Variants in ACSM3 observed in about 807,000 individuals in gnomAD.
ACSM3 encodes the protein acyl-coenzyme A synthetase ACSM3, mitochondrial.
ACSM3 carries 61 observed loss-of-function variants against 74.1 expected under a neutral mutation model. The observed-to-expected ratio is 0.82, with a 90% CI of 0.67 to 1.02. The LOEUF is 1.02. Ranked by LOEUF, ACSM3 falls within the 50% of genes least tolerant of loss-of-function variation. The probability of loss-of-function intolerance (pLI) is 0.00; values close to 1 mark genes in which losing one functional copy is unlikely to be tolerated. For missense variants in ACSM3, 660 were observed against 697.0 expected (o/e 0.95, Z 0.60); for synonymous variants, 213 against 241.5 (o/e 0.88, Z 1.09).
In ACSM3 at chr16:20,694,727, T is replaced by G. The variant is rs550067559; in HGVS notation, c.-190+19905T>G. On this transcript the variant is annotated intron_variant, in intron 1 of 3. Coordinates refer to the ACSM3 transcript ENST00000561584. ...GTTTGAACTGTGTCCCCCATGAATG[T>G]ATGTGGTGAAGTACGAACCCCAATA... is the stretch of plus-strand genomic sequence containing the variant. 1.3e-4 allele frequency among the ~76,000 whole-genome samples: 20 copies of G among 152,316 alleles called. No homozygotes were observed. In the East Asian group the frequency reaches 3.1e-3, roughly 23 times the overall value.
chr16:20,737,824 G>A, intron 1 of ACSM3: 5 of 1,613,820 alleles, frequency 3.1e-6, no homozygotes, highest in Non-Finnish European at 3.4e-6. Flanking sequence ...AAATGTTTCT[G>A]CATATTTTTT....
At chr16:20,708,153 T>G (rs1468955673) in intron 1 of ACSM3, among the ~76,000 whole-genome samples, 7 of 152,102 alleles carry the variant, frequency 4.6e-5, no homozygotes, top group Non-Finnish European at 1.0e-4. Flanking sequence ...ATACAAAAAT[T>G]AGCCAGGTGT....
intron 3 of ACSM3, among the ~76,000 whole-genome samples, chr16:20,776,256 C>T (rs2080254696): frequency 6.6e-6 from 1 of 152,158 alleles, no homozygotes. Context: ...GTTACAGCCT[C>T]ACAAAAATTG....
intron 1 of ACSM3, among the ~76,000 whole-genome samples, chr16:20,693,231 G>C (rs1482348095): frequency 6.6e-6 from 1 of 151,858 alleles, no homozygotes; most frequent in Non-Finnish European, 1.5e-5. Context: ...ACTTTCCAAT[G>C]GACTGGGATG....
intron 1 of ACSM3, among the ~76,000 whole-genome samples, chr16:20,748,425 GT>G (rs1378944831): frequency 6.6e-6 from 1 of 152,178 alleles, no homozygotes; most frequent in Non-Finnish European, 1.5e-5. Context: ...CACATTGCTA[GT>G]TCTGTGACCT....
At chr16:20,692,704 CA>C in intron 1 of ACSM3, among the ~76,000 whole-genome samples, 1 of 152,218 alleles carries the variant, frequency 6.6e-6, no homozygotes, top group Admixed American at 6.5e-5. Flanking sequence ...CAAGGTATGG[CA>C]AGGAAATATA....
chr16:20,763,605 A>G (rs2080095302), upstream of ACSM3: 1 of 152,202 alleles, frequency 6.6e-6, no homozygotes, highest in Non-Finnish European at 1.5e-5. Context: ...CAGGGGAGTA[A>G]CCTGATAGCG....
At position 20,780,728 on chromosome 16, in the gene ACSM3, G is replaced by C. The variant is rs752920558; in HGVS notation, c.653G>C (p.Ser218Thr). 6.2e-7 allele frequency: 1 copy of C among 1,614,164 alleles called. No individual in the cohort carries two copies. The highest frequency in any genetic ancestry group is 1.7e-5 in the Admixed American group (1 of 60,018). ...LKELMKHASD[S>T]HTCVKTKHNE... Reference sequence around the variant, plus strand: ...TTCCTTTGCAGACATGCCAGTGACAGCCACACCTGTGTGAAGACAAAACAC... The same window carrying C: ...TTCCTTTGCAGACATGCCAGTGACACCCACACCTGTGTGAAGACAAAACAC... The change falls in exon 5 of 14, where the codon AGC becomes ACC. Residue 218 changes from serine to threonine, a missense_variant. Transcript: ENST00000289416.
chr16:20,734,459 A>C (rs984015698), intron 1 of ACSM3: 37 of 152,576 alleles, frequency 2.4e-4, no homozygotes, highest in African/African-American at 8.9e-4. Context: ...TGCCCCTCTC[A>C]AATCATTCTA....
At chr16:20,742,733 G>A (rs575659341) in intron 1 of ACSM3, among the ~76,000 whole-genome samples, 72 of 150,712 alleles carry the variant, frequency 4.8e-4, no homozygotes, top group Non-Finnish European at 9.6e-4. Context: ...GGCTGACTCT[G>A]GAGCCCAGGC....
rs183816968 is a variant in ACSM3 at position 20,692,899 on chromosome 16, A to G, written c.-190+18077A>G. ...AAAAATTAGAGCTTAGGCCAGGCAC[A>G]GTGGCTCATGCCTATAATCCCAGCC... On this transcript the variant is annotated intron_variant, in intron 1 of 3. Coordinates refer to the ACSM3 transcript ENST00000561584. 5.1e-3 allele frequency among the ~76,000 whole-genome samples: 773 copies of G among 152,210 alleles called. 22 individuals carry two copies. Among genetic ancestry groups the G allele is most frequent in the Admixed American group, 0.045 (688 of 15,278 alleles).
At chr16:20,745,131 T>G (rs563589745) in intron 1 of ACSM3, among the ~76,000 whole-genome samples, 5 of 152,284 alleles carry the variant, frequency 3.3e-5, no homozygotes, top group African/African-American at 1.2e-4. Flanking sequence ...TTATTCCTTA[T>G]TATTCTTCTT....
intron 1 of ACSM3, chr16:20,737,714 A>G: frequency 6.2e-7 from 1 of 1,605,582 alleles, no homozygotes; most frequent in Non-Finnish European, 8.5e-7. Flanking sequence ...ATACCTGCCA[A>G]TTCTCTGATA....
At chr16:20,786,436 T>TG in intron 9 of ACSM3, 1 of 501,396 alleles carries the variant, frequency 2.0e-6, no homozygotes, top group Non-Finnish European at 3.0e-6. Flanking sequence ...ATCCCAACAC[T>TG]TTGGGAGGCC....
At chr16:20,760,986 C>G (rs762301821), upstream of ACSM3, among the ~76,000 whole-genome samples, 9 of 152,216 alleles carry the variant, frequency 5.9e-5, no homozygotes, top group Non-Finnish European at 1.3e-4. Context: ...CAGAGTTTAG[C>G]CCTTTCAACC....
chr16:20,729,223 T>C, intron 1 of ACSM3: 1 of 836,794 alleles, frequency 1.2e-6, no homozygotes. Context: ...TCATCTTTGA[T>C]TCCTAGGACA....
chr16:20,770,373 A>G (rs1274271934), intron 2 of ACSM3, 120 bp downstream of exon 2: 2 of 815,794 alleles, frequency 2.5e-6, no homozygotes, highest in East Asian at 5.3e-5. Context: ...GGCAGTTGCT[A>G]CTGGCATCTA....
At chr16:20,762,978 ATC>A (rs1420227874), upstream of ACSM3, among the ~76,000 whole-genome samples, 13 of 152,240 alleles carry the variant, frequency 8.5e-5, no homozygotes, top group Non-Finnish European at 4.4e-5. Context: ...AAGAAGTAAG[ATC>A]TGTTTACTTA....
chr16:20,792,554 G>C, intron 12 of ACSM3: 1 of 985,418 alleles, frequency 1.0e-6, no homozygotes, highest in Non-Finnish European at 1.2e-6. Context: ...CTGAAAATAC[G>C]TACTAGAAAG....
Sources: allele counts gnomAD v4.1 joint callset (sites outside exome capture counted in the v4.1 genomes callset), GRCh38; gene constraint gnomAD v4.1.1; transcripts MANE v1.5; gene names NCBI Gene and HGNC (gene_info 2026-07-23, HGNC 2026-07-21).